The following IKZF5 variants were observed in gnomAD, a reference collection of about 807,000 sequenced individuals.
IKZF5 encodes IKAROS family zinc finger 5.
A neutral mutation model predicts 30.7 loss-of-function variants in IKZF5; 4 were observed. The observed-to-expected ratio is 0.13, with a 90% confidence interval of 0.06 to 0.30. The LOEUF is 0.30. Among genes scored for constraint, IKZF5 ranks in the 10% least tolerant of loss-of-function variants. The pLI is 1.00. For missense variants in IKZF5, 348 were observed against 525.5 expected (o/e 0.66, Z 3.30); for synonymous variants, 148 against 179.6 (o/e 0.82, Z 1.41).
intron 2 of IKZF5, among the ~76,000 whole-genome samples, chr10:123,002,574 C>G (rs1290147333): frequency 2.0e-5 from 3 of 149,990 alleles, no homozygotes; most frequent in Admixed American, 6.7e-5. Context: ...TCTGTAATTC[C>G]AGCACTTTGG....
intron 2 of IKZF5, among the ~76,000 whole-genome samples, 159 bp from the exon 3 acceptor site, chr10:122,998,830 T>TA (rs1849484738): frequency 6.6e-6 from 1 of 151,972 alleles, no homozygotes; most frequent in Non-Finnish European, 1.5e-5. Flanking sequence ...CACAAAATGG[T>TA]AAAAAATCAA....
chr10:123,003,813 G>A (rs1472420491), intron 2 of IKZF5, among the ~76,000 whole-genome samples: 1 of 152,160 alleles, frequency 6.6e-6, no homozygotes, highest in Non-Finnish European at 1.5e-5. Context: ...TTAGTCTCAA[G>A]TAATTCCAAT....
Position 122,996,195 on chromosome 10 carries a change from A to C in IKZF5, c.134-19T>G. On this transcript the variant is annotated intron_variant, in intron 3 of 4. Transcript: ENST00000368886. Reference sequence around the variant, plus strand: ...GTTCCAGCTATAAACAAAGTACCGCAAAAGAAATTATGCATCTCAGAATCA... The same window carrying C: ...GTTCCAGCTATAAACAAAGTACCGCCAAAGAAATTATGCATCTCAGAATCA... The C allele has an allele frequency of 6.2e-7, 1 of 1,601,648 alleles. No individual in the cohort carries two copies. The highest frequency in any genetic ancestry group is 1.7e-5 in the Admixed American group (1 of 59,626).
chr10:122,993,828 C>A lies in IKZF5; in HGVS notation c.1212G>T (p.Lys404Asn), dbSNP rs755379194. ...TTGCAAAATGACAGGCAAAATCATA[C>A]TTGTTTTTACATTTGCATCCACATA... ...CNICGCKCKNKYDFACHFARG... is the reference protein window; with the variant it reads ...CNICGCKCKNNYDFACHFARG... Residue 404 changes from lysine (K) to asparagine (N), a missense_variant, in exon 5 of 5, where the codon AAG (lysine) becomes AAT (asparagine). Lys to Asn is a moderately conservative substitution (Grantham distance 94). Coordinates refer to ENST00000368886, the MANE Select transcript of IKZF5 (RefSeq NM_001372123.1). 2 of 1,611,222 alleles carry A rather than the reference C, an allele frequency of 1.2e-6. No homozygotes were observed. The highest frequency in any genetic ancestry group is 1.7e-6 in the Non-Finnish European group (2 of 1,178,106).
intron 3 of IKZF5, chr10:122,997,017 A>G (rs1019253093): frequency 2.0e-5 from 3 of 152,380 alleles, no homozygotes; most frequent in African/African-American, 7.2e-5. Context: ...CATAAAGGAA[A>G]GTATCGTCCC....
At chr10:123,002,368 A>C (rs1227068625) in intron 2 of IKZF5, among the ~76,000 whole-genome samples, 1 of 151,516 alleles carries the variant, frequency 6.6e-6, no homozygotes, top group Admixed American at 6.6e-5. Flanking sequence ...AATACCAAAA[A>C]AATTAGCCGG....
Position 122,994,770 on chromosome 10 carries a change from T to C in IKZF5, c.317-47A>G. 1 of 1,462,622 alleles carries C rather than the reference T, an allele frequency of 6.8e-7. No individual in the cohort carries two copies. 90.6% of individuals were successfully genotyped at this position (1,462,622 alleles called of 1,614,324 possible). A position where few individuals can be genotyped will look rare whatever the true frequency, so the allele number is the denominator to read the frequency against. On this transcript the variant is annotated intron_variant, in intron 4 of 4. Coordinates refer to ENST00000368886, the MANE Select transcript of IKZF5 (RefSeq NM_001372123.1). This position sits in a 1 kb window ranked among gnomAD's most constrained non-coding sequence, Gnocchi z 5.6. ...GGAGAAACTACAAGAGTAGTTCATTTATGGAAAGTTTTGCTTGTCCATTCA... is the reference window on the plus strand; with the variant it reads ...GGAGAAACTACAAGAGTAGTTCATTCATGGAAAGTTTTGCTTGTCCATTCA...
intron 2 of IKZF5, among the ~76,000 whole-genome samples, chr10:123,000,435 A>G (rs1849541196): frequency 6.6e-6 from 1 of 152,246 alleles, no homozygotes; most frequent in Non-Finnish European, 1.5e-5. Flanking sequence ...AGTCTGTTGT[A>G]TGACCATGCC....
intron 2 of IKZF5, among the ~76,000 whole-genome samples, chr10:123,000,482 T>G (rs1849542950): frequency 6.6e-6 from 1 of 152,254 alleles, no homozygotes; most frequent in African/African-American, 2.4e-5. Context: ...TTTAGATCAT[T>G]TGGGTAATTT....
Position 122,991,658 on chromosome 10 carries a change from TGCA to T in IKZF5, c.*2119_*2121del. 1 of 152,208 alleles carries T rather than the reference TGCA, an allele frequency of 6.6e-6. No homozygotes were observed. Among genetic ancestry groups the T allele is most frequent in the African/African-American group, 2.4e-5 (1 of 41,462 alleles). 9.4% of individuals were successfully genotyped at this position (152,208 alleles called of 1,614,324 possible). A position where few individuals can be genotyped will look rare whatever the true frequency, so the allele number is the denominator to read the frequency against. On this transcript the variant is annotated 3_prime_UTR_variant, in exon 5 of 5. Coordinates refer to ENST00000368886, the MANE Select transcript of IKZF5 (RefSeq NM_001372123.1). ...GGTAGATTTGCCTCAAACATTTTAGTGCATTTAGAATAACTGTAGCTTCTTAGC... is the reference window on the plus strand; with the variant it reads ...GGTAGATTTGCCTCAAACATTTTAGTTTTAGAATAACTGTAGCTTCTTAGC...
chr10:122,993,759 G>A lies in IKZF5; in HGVS notation c.*21C>T. ...CAAACCACAAAAACAGCAAAACTAAGTAAAATATGACTATTTTCAATCAAT... is the reference window on the plus strand; with the variant it reads ...CAAACCACAAAAACAGCAAAACTAAATAAAATATGACTATTTTCAATCAAT... On this transcript the variant is annotated 3_prime_UTR_variant, in exon 5 of 5. Transcript: ENST00000368886. 6.6e-7 allele frequency: 1 copy of A among 1,518,554 alleles called. No homozygotes were observed. Among genetic ancestry groups the A allele is most frequent in the Admixed American group, 2.0e-5 (1 of 49,842 alleles). The allele number at this position is 1,518,554 out of a possible 1,614,324, so 94.1% of individuals were successfully genotyped here. A position where few individuals can be genotyped will look rare whatever the true frequency, so the allele number is the denominator to read the frequency against.
At chr10:123,005,265 A>G (rs1849739168) in intron 2 of IKZF5, among the ~76,000 whole-genome samples, 1 of 152,196 alleles carries the variant, frequency 6.6e-6, no homozygotes, top group Non-Finnish European at 1.5e-5. Flanking sequence ...TAATCTAGGA[A>G]CTCCACAAAT....
Position 122,994,072 on chromosome 10 carries a change from T to G in IKZF5, c.968A>C (p.Asn323Thr), listed in dbSNP as rs1849265177. 1.2e-6 allele frequency: 2 copies of G among 1,614,100 alleles called. No individual in the cohort carries two copies. The highest frequency in any genetic ancestry group is 1.7e-6 in the Non-Finnish European group (2 of 1,180,034). The part of the protein sequence containing the change: ...PEPRPSHSQR[N>T]YSPVAGPSSE... ...GCTTGGACCTGCCACTGGACTATAGTTCCTTTGACTATGGGATGGCCGAGG... is the reference window on the plus strand; with the variant it reads ...GCTTGGACCTGCCACTGGACTATAGGTCCTTTGACTATGGGATGGCCGAGG... Residue 323 changes from asparagine to threonine, a missense_variant, in exon 5 of 5, where the codon AAC (asparagine) becomes ACC (threonine). Transcript: ENST00000368886. The surrounding 1 kb of genome is among the most constrained non-coding windows in gnomAD (Gnocchi z 5.6).
chr10:123,005,969 T>C (rs543991811), intron 2 of IKZF5, among the ~76,000 whole-genome samples: 3 of 152,340 alleles, frequency 2.0e-5, no homozygotes, highest in South Asian at 4.1e-4. Context: ...CCTTATGATA[T>C]AGCAAAATTC....
At chr10:123,005,369 A>AT (rs905909082) in intron 2 of IKZF5, among the ~76,000 whole-genome samples, 59 of 152,274 alleles carry the variant, frequency 3.9e-4, no homozygotes, top group African/African-American at 1.3e-3. Context: ...ACAAGCTATA[A>AT]TTTTTTTAGT....
chr10:123,003,016 G>A (rs1039850764), intron 2 of IKZF5, among the ~76,000 whole-genome samples: 1 of 150,998 alleles, frequency 6.6e-6, no homozygotes, highest in African/African-American at 2.4e-5. Flanking sequence ...TATTAAACAC[G>A]TACAGACTTT....
Position 122,996,138 on chromosome 10 carries a change from A to G in IKZF5, c.172T>C (p.Ser58Pro), listed in dbSNP as rs1179447223. The change falls in exon 4 of 5, where the codon TCT (serine) becomes CCT (proline). Residue 58 changes from serine (S) to proline (P), a missense_variant. Coordinates refer to ENST00000368886, the MANE Select transcript of IKZF5 (RefSeq NM_001372123.1). ...DGDQNGLDHP[S>P]VEVSLDENSG... ...TTTTCATCCAAGGAAACTTCAACAG[A>G]TGGGTGATCAAGTCCATTTTGATCA... 1 of 1,614,036 alleles carries G rather than the reference A, an allele frequency of 6.2e-7. No individual in the cohort carries two copies. The highest frequency in any genetic ancestry group is 2.2e-5 in the East Asian group (1 of 44,878).
In IKZF5 at chr10:122,990,943, T is replaced by A. The variant is rs1043225135; in HGVS notation, c.*2837A>T. The A allele has an allele frequency of 1.3e-5, 2 of 151,312 alleles. No homozygotes were observed. The highest frequency in any genetic ancestry group is 2.9e-5 in the Non-Finnish European group (2 of 67,886). 9.4% of individuals were successfully genotyped at this position (151,312 alleles called of 1,614,324 possible). A position where few individuals can be genotyped will look rare whatever the true frequency, so the allele number is the denominator to read the frequency against. On this transcript the variant is annotated 3_prime_UTR_variant, in exon 5 of 5. Transcript: ENST00000368886. ...AATATAGTGTATTGTACAACCATAA[T>A]GCAAGTTATGTTTTGCATACAAAAT...
At chr10:123,007,996 T>G (rs1032703919) in intron 1 of IKZF5, among the ~76,000 whole-genome samples, 3 of 152,138 alleles carry the variant, frequency 2.0e-5, no homozygotes, top group African/African-American at 4.8e-5. Context: ...GGTTAGTGTT[T>G]GCTAGAACTT....
Sources: allele counts gnomAD v4.1 joint callset (sites outside exome capture counted in the v4.1 genomes callset), GRCh38; gene constraint gnomAD v4.1.1; non-coding constraint Gnocchi (gnomAD v3.1); transcripts MANE v1.5; gene names NCBI Gene and HGNC (gene_info 2026-07-23, HGNC 2026-07-21).